TRPS1: variants seen among roughly 807,000 people sequenced by gnomAD.
TRPS1 encodes the protein transcriptional repressor GATA binding 1, also known as zinc finger transcription factor Trps1.
Under a neutral mutation model 101.2 loss-of-function variants are expected in TRPS1, and 6 were observed. The ratio of observed to expected loss-of-function variants is 0.06; its 90% confidence interval spans 0.03 to 0.12. The LOEUF (loss-of-function observed/expected upper bound fraction) is 0.12, where lower values mean the gene tolerates loss of function less well. TRPS1 is among the 10% of genes least tolerant of loss of function. TRPS1 has a pLI of 1.00. For synonymous variants in TRPS1, 578 were observed against 589.8 expected, an observed-to-expected ratio of 0.98 and a Z score of 0.29; for missense variants, 1,363 against 1,567.0, an observed-to-expected ratio of 0.87 and a Z score of 2.20.
chr8:115,462,571 T>G (rs1432869921), intron 5 of TRPS1, among the ~76,000 whole-genome samples: 1 of 151,936 alleles, frequency 6.6e-6, no homozygotes, highest in Admixed American at 6.6e-5. Context: ...TATTCAATTC[T>G]AGGTCCACAA....
intron 5 of TRPS1, among the ~76,000 whole-genome samples, chr8:115,463,880 A>C (rs556604578): frequency 2.0e-4 from 30 of 151,904 alleles, no homozygotes; most frequent in African/African-American, 6.5e-4. Context: ...TTTCAAAGCT[A>C]GTATTTTAAT....
intron 4 of TRPS1, among the ~76,000 whole-genome samples, chr8:115,599,866 T>C (rs1010124690): frequency 7.2e-6 from 1 of 138,966 alleles, no homozygotes; most frequent in African/African-American, 2.4e-5. Context: ...AGTAATGGGA[T>C]TGCTGGGTCA....
chr8:115,504,349 T>G (rs1430633970), intron 5 of TRPS1, among the ~76,000 whole-genome samples: 1 of 152,136 alleles, frequency 6.6e-6, no homozygotes, highest in African/African-American at 2.4e-5. Flanking sequence ...AAATTCTATA[T>G]TTGCAAATCA....
At chr8:115,537,488 A>T (rs536067948) in intron 5 of TRPS1, among the ~76,000 whole-genome samples, 1 of 152,314 alleles carries the variant, frequency 6.6e-6, no homozygotes, top group East Asian at 1.9e-4. Flanking sequence ...AAGCCATCAG[A>T]GAATCCAGAC....
At chr8:115,530,958 A>T (rs1816115166) in intron 5 of TRPS1, among the ~76,000 whole-genome samples, 1 of 152,148 alleles carries the variant, frequency 6.6e-6, no homozygotes, top group African/African-American at 2.4e-5. Context: ...GAGGGATAGC[A>T]TTAGGAGATA....
chr8:115,613,129 C>T (rs546925281), intron 3 of TRPS1, among the ~76,000 whole-genome samples: 15 of 152,256 alleles, frequency 9.9e-5, no homozygotes, highest in African/African-American at 3.6e-4. Context: ...AGTCAAACAC[C>T]TGGATGAAAT....
At chr8:115,522,338 C>G (rs1007565954) in intron 5 of TRPS1, among the ~76,000 whole-genome samples, 1 of 151,908 alleles carries the variant, frequency 6.6e-6, no homozygotes, top group Non-Finnish European at 1.5e-5. Flanking sequence ...TCTCAAATAT[C>G]TACCTCTTAG....
intron 5 of TRPS1, among the ~76,000 whole-genome samples, chr8:115,551,973 C>T (rs1181172994): frequency 6.6e-6 from 1 of 152,188 alleles, no homozygotes; most frequent in Non-Finnish European, 1.5e-5. Context: ...TTCTTCGAAT[C>T]ATCTTGCAGA....
intron 1 of TRPS1, among the ~76,000 whole-genome samples, chr8:115,634,789 T>C (rs968286959): frequency 2.0e-5 from 3 of 151,592 alleles, no homozygotes; most frequent in Admixed American, 2.0e-4. Flanking sequence ...GAACAAGTTA[T>C]ATTAAATGTG....
At position 115,540,142 on chromosome 8, in the gene TRPS1, A is replaced by G. The variant is rs368067120; in HGVS notation, c.2700+46859T>C. Among the ~76,000 whole-genome samples, 44 of 152,350 alleles carry G rather than the reference A, an allele frequency of 2.9e-4. 1 individual carries two copies. The highest frequency in any genetic ancestry group is 9.4e-4 in the African/African-American group (39 of 41,582). On this transcript the variant is annotated intron_variant, in intron 5 of 6. Transcript: ENST00000395715. ...TTATTTCTCTTGAGTTATAAATTCC[A>G]TCATGGAAGAAAGCTTAACATGCTT...
chr8:115,535,151 A>C (rs1816255841), intron 5 of TRPS1, among the ~76,000 whole-genome samples: 1 of 145,062 alleles, frequency 6.9e-6, no homozygotes, highest in African/African-American at 2.6e-5. Flanking sequence ...TATATATAGC[A>C]TATGTATAGC....
intron 5 of TRPS1, among the ~76,000 whole-genome samples, chr8:115,551,705 A>G (rs1486060096): frequency 2.0e-5 from 3 of 152,212 alleles, no homozygotes; most frequent in Admixed American, 6.5e-5. Flanking sequence ...TAGTTTCTAA[A>G]ACATCTTATA....
At chr8:115,668,236 G>A (rs1469882175) in intron 1 of TRPS1, 2 of 320,844 alleles carry the variant, frequency 6.2e-6, no homozygotes, top group Non-Finnish European at 5.7e-6. Context: ...AAAGGGAGCA[G>A]AAGAGAAGAA....
In TRPS1 at chr8:115,538,640, AT is replaced by A. The variant is rs200114091; in HGVS notation, c.2700+48360del. Among the ~76,000 whole-genome samples the A allele has an allele frequency of 9.7e-3, 1,482 of 152,104 alleles. 23 individuals carry two copies. The highest frequency in any genetic ancestry group is 0.031 in the African/African-American group (1,275 of 41,538). On this transcript the variant is annotated intron_variant, in intron 5 of 6. Coordinates refer to ENST00000395715, the MANE Select transcript of TRPS1 (RefSeq NM_014112.5). Reference sequence around the variant, plus strand: ...CAAATGTATCTTCTGAGATGCATTCATTTTTCTGTGACCAATATTTAGAATA... The same window carrying A: ...CAAATGTATCTTCTGAGATGCATTCATTTTCTGTGACCAATATTTAGAATA...
chr8:115,414,417 G>C lies in TRPS1; in HGVS notation c.3491C>G (p.Pro1164Arg). 1 of 1,613,966 alleles carries C rather than the reference G, an allele frequency of 6.2e-7. No homozygotes were observed. The highest frequency in any genetic ancestry group is 1.1e-5 in the South Asian group (1 of 91,080). ...YVPYPTFNLP[P>R]HFSAVGSDND... ...GTCTGATCCAACAGCTGAAAAATGA[G>C]GAGGCAGATTGAAGGTGGGATAAGG... Residue 1164 changes from proline (P) to arginine (R), a missense_variant, in exon 7 of 7, where the codon CCT (proline) becomes CGT (arginine). This residue lies in a region of TRPS1 where 307 missense variants were observed against 392.4 expected (regional missense o/e 0.78). Transcript: ENST00000395715. This position sits in a 1 kb window ranked among gnomAD's most constrained non-coding sequence, Gnocchi z 4.8.
intron 5 of TRPS1, among the ~76,000 whole-genome samples, chr8:115,524,044 T>TG (rs1451093037): frequency 6.6e-6 from 1 of 152,188 alleles, no homozygotes; most frequent in Non-Finnish European, 1.5e-5. Flanking sequence ...AATTGTTTTT[T>TG]GGTCAAGCTT....
intron 5 of TRPS1, among the ~76,000 whole-genome samples, chr8:115,424,749 C>T (rs1204446976): frequency 6.6e-6 from 1 of 152,148 alleles, no homozygotes; most frequent in Non-Finnish European, 1.5e-5. Context: ...TTAATACTTG[C>T]TTATTTTCAC....
At chr8:115,663,721 GAAAAAAAAA>G (rs1201864123) in intron 1 of TRPS1, among the ~76,000 whole-genome samples, 1 of 76,788 alleles carries the variant, frequency 1.3e-5, no homozygotes, top group African/African-American at 3.6e-5. Flanking sequence ...CTTGGAAAAG[GAAAAAAAAA>G]AAAAAAAAAA....
At chr8:115,576,038 C>G (rs1817309630) in intron 5 of TRPS1, among the ~76,000 whole-genome samples, 1 of 152,092 alleles carries the variant, frequency 6.6e-6, no homozygotes, top group Admixed American at 6.6e-5. Flanking sequence ...AGACTTTAAG[C>G]ATGTCACTTT....
Sources: gnomAD v4.1 joint callset for allele counts (sites outside exome capture counted in the v4.1 genomes callset) on GRCh38, gnomAD v4.1.1 for gene constraint, gnomAD v4.1.1 regional missense constraint, Gnocchi (gnomAD v3.1) non-coding constraint, MANE v1.5 for transcripts, NCBI Gene and HGNC (gene_info 2026-07-23, HGNC 2026-07-21) for gene names.